The following SFMBT2 variants were observed in gnomAD, a reference collection of about 807,000 sequenced individuals.
The protein encoded by SFMBT2 is scm-like with four MBT domains protein 2.
SFMBT2 carries 38 observed loss-of-function variants against 110.1 expected under a neutral mutation model. The observed-to-expected ratio is 0.35, with a 90% confidence interval of 0.27 to 0.45. The LOEUF is 0.45. SFMBT2 is among the 20% of genes least tolerant of loss of function. The pLI is 1.00. For synonymous variants in SFMBT2, 425 were observed against 425.4 expected (o/e 1.00, Z 0.01); for missense variants, 1,011 against 1,094.9 (o/e 0.92, Z 1.08).
At chr10:7,398,545 C>A (rs1015568147) in intron 1 of SFMBT2, among the ~76,000 whole-genome samples, 11 of 152,200 alleles carry the variant, frequency 7.2e-5, no homozygotes, top group Non-Finnish European at 1.6e-4. Context: ...AAAGGTCATT[C>A]CCATCCTTAG....
In SFMBT2 at chr10:7,246,540, G is replaced by A. The variant is rs189218232; in HGVS notation, c.972+2008C>T. ...TCGAGACCAGCCTGGTCAAGACGGT[G>A]AAACCCCATCTCCACTAAAAACACA... On this transcript the variant is annotated intron_variant, in intron 8 of 20. Transcript: ENST00000397167. 6.9e-3 allele frequency among the ~76,000 whole-genome samples: 1,046 copies of A among 151,990 alleles called. 9 individuals are homozygous for A. Among genetic ancestry groups the A allele is most frequent in the African/African-American group, 0.023 (971 of 41,470 alleles).
At chr10:7,276,405 G>A (rs1841776615) in intron 7 of SFMBT2, among the ~76,000 whole-genome samples, 1 of 152,132 alleles carries the variant, frequency 6.6e-6, no homozygotes, top group Admixed American at 6.5e-5. Context: ...TCAGCATCTT[G>A]TAATATGGGT....
chr10:7,184,719 G>C lies in SFMBT2; in HGVS notation c.1808+3905C>G, dbSNP rs1838344613. On this transcript the variant is annotated intron_variant, in intron 16 of 20. Coordinates refer to ENST00000397167, the MANE Select transcript of SFMBT2 (RefSeq NM_001387889.1). ...TTCACCCTCAGAATCACCCTTATGA[G>C]ACCTTTTAACAAATCTCGTCAGGCA... is the stretch of plus-strand genomic sequence containing the variant. Among the ~76,000 whole-genome samples the C allele has an allele frequency of 2.0e-5, 3 of 152,070 alleles. No homozygotes were observed. In the South Asian group the frequency reaches 6.2e-4, roughly 31 times the overall value.
intron 7 of SFMBT2, among the ~76,000 whole-genome samples, chr10:7,259,382 C>T (rs1321734253): frequency 6.6e-6 from 1 of 152,246 alleles, no homozygotes; most frequent in African/African-American, 2.4e-5. Flanking sequence ...CCCAGCTGCC[C>T]TCGGCTCCCT....
rs186441267 is a variant in SFMBT2 at position 7,189,157 on chromosome 10, T to C, written c.1699-424A>G. 84 of 985,430 alleles carry C rather than the reference T, an allele frequency of 8.5e-5. No individual in the cohort carries two copies. The East Asian group carries it at 3.1e-3, about 36-fold the overall frequency. 61.0% of individuals were successfully genotyped at this position (985,430 alleles called of 1,614,324 possible). Reference sequence around the variant, plus strand: ...TAATGAAACGGAGACAATCTACTCATGCCAACACTTCTGGAGAGGCTTCAC... The same window carrying C: ...TAATGAAACGGAGACAATCTACTCACGCCAACACTTCTGGAGAGGCTTCAC... On this transcript the variant is annotated intron_variant, in intron 15 of 20. Coordinates refer to ENST00000397167, the MANE Select transcript of SFMBT2 (RefSeq NM_001387889.1).
intron 5 of SFMBT2, 133 bp from the exon 6 acceptor site, chr10:7,284,283 A>AC: frequency 6.8e-7 from 1 of 1,466,486 alleles, no homozygotes; most frequent in Non-Finnish European, 9.0e-7. Context: ...CGTTCCCTCC[A>AC]CCCCATCCTT....
At chr10:7,352,973 A>G (rs1472648845) in intron 4 of SFMBT2, among the ~76,000 whole-genome samples, 9 of 152,106 alleles carry the variant, frequency 5.9e-5, no homozygotes, top group East Asian at 3.9e-4. Context: ...TCGTGCCACT[A>G]CACTCCAGCC....
chr10:7,232,294 C>T (rs1840126612), intron 9 of SFMBT2, among the ~76,000 whole-genome samples: 1 of 152,012 alleles, frequency 6.6e-6, no homozygotes, highest in South Asian at 2.1e-4. Flanking sequence ...TTTGGAAAAA[C>T]TATTTGGCAT....
rs1420759496 is a variant in SFMBT2 at position 7,163,604 on chromosome 10, A to G, written c.*166T>C. ...CTGCTGCTGTGCTTTGAAAACATGGAAACAGCTCACAGGCTGGCGGAGGCA... is the reference window on the plus strand; with the variant it reads ...CTGCTGCTGTGCTTTGAAAACATGGGAACAGCTCACAGGCTGGCGGAGGCA... On this transcript the variant is annotated 3_prime_UTR_variant, in exon 21 of 21. Coordinates refer to ENST00000397167, the MANE Select transcript of SFMBT2 (RefSeq NM_001387889.1). The surrounding 1 kb of genome is among the most constrained non-coding windows in gnomAD (Gnocchi z 4.8). 1.6e-6 allele frequency: 1 copy of G among 626,950 alleles called. No homozygotes were observed. Among genetic ancestry groups the G allele is most frequent in the Non-Finnish European group, 2.7e-6 (1 of 365,904 alleles). The allele number at this position is 626,950 out of a possible 1,614,324, so 38.8% of individuals were successfully genotyped here. A position where few individuals can be genotyped will look rare whatever the true frequency, so the allele number is the denominator to read the frequency against.
At chr10:7,338,234 A>C (rs1394707957) in intron 4 of SFMBT2, among the ~76,000 whole-genome samples, 2 of 152,346 alleles carry the variant, frequency 1.3e-5, no homozygotes, top group Non-Finnish European at 2.9e-5. Context: ...TAAGAGAATC[A>C]CTTCTGCCAT....
At chr10:7,199,167 C>T (rs978455645) in intron 14 of SFMBT2, among the ~76,000 whole-genome samples, 3 of 151,996 alleles carry the variant, frequency 2.0e-5, no homozygotes, top group Admixed American at 6.5e-5. Context: ...TTAGTAGAGA[C>T]AAGGTCTCAC....
chr10:7,339,700 A>C (rs1189454573), intron 4 of SFMBT2, among the ~76,000 whole-genome samples: 1 of 152,232 alleles, frequency 6.6e-6, no homozygotes, highest in African/African-American at 2.4e-5. Flanking sequence ...ATTCCATGGC[A>C]TCTGAGCTTC....
chr10:7,172,467 G>A lies in SFMBT2; in HGVS notation c.2151+28C>T. ...CCAGGGCCAGATGACAGAGCTACAGGCTGGCAGGTGCCCCGGGCAGAACAT... is the reference window on the plus strand; with the variant it reads ...CCAGGGCCAGATGACAGAGCTACAGACTGGCAGGTGCCCCGGGCAGAACAT... On this transcript the variant is annotated intron_variant, in intron 18 of 20. Transcript: ENST00000397167. This position sits in a 1 kb window ranked among gnomAD's most constrained non-coding sequence, Gnocchi z 4.6. The A allele has an allele frequency of 6.2e-7, 1 of 1,612,798 alleles. No individual in the cohort carries two copies. Among genetic ancestry groups the A allele is most frequent in the African/African-American group, 1.3e-5 (1 of 75,030 alleles).
chr10:7,375,920 G>T (rs1845194138), intron 2 of SFMBT2, among the ~76,000 whole-genome samples: 1 of 152,100 alleles, frequency 6.6e-6, no homozygotes, highest in Non-Finnish European at 1.5e-5. Flanking sequence ...ATTTTTCTAA[G>T]AAAAATGTTG....
Position 7,382,604 on chromosome 10 carries a change from C to T in SFMBT2, c.-51-655G>A, listed in dbSNP as rs188760172. On this transcript the variant is annotated intron_variant, in intron 1 of 20. Coordinates refer to ENST00000397167, the MANE Select transcript of SFMBT2 (RefSeq NM_001387889.1). ...CATGGCAACATTGGTAAGACACTCC[C>T]CCCGCCTTGAAGCTATGTAGCAGCA... is the stretch of plus-strand genomic sequence containing the variant. Among the ~76,000 whole-genome samples the T allele has an allele frequency of 9.5e-4, 144 of 151,674 alleles. 1 individual carries two copies. The highest frequency in any genetic ancestry group is 3.3e-3 in the African/African-American group (138 of 41,324).
chr10:7,224,303 C>T (rs2131662630), intron 10 of SFMBT2, among the ~76,000 whole-genome samples: 1 of 152,244 alleles, frequency 6.6e-6, no homozygotes, highest in East Asian at 1.9e-4. Context: ...TCCTAGGCTG[C>T]TTGGAGTCTT....
rs540855323 is a variant in SFMBT2 at position 7,320,340 on chromosome 10, A to T, written c.437-34386T>A. Among the ~76,000 whole-genome samples the T allele has an allele frequency of 2.0e-5, 3 of 152,280 alleles. No individual in the cohort carries two copies. The South Asian group carries it at 6.2e-4, about 32-fold the overall frequency. On this transcript the variant is annotated intron_variant, in intron 4 of 20. Transcript: ENST00000397167. ...AATCATGTGGTAAGTGTTCTCTACCATCTTGCCCCGCGGTATAAATGAAAC... is the reference window on the plus strand; with the variant it reads ...AATCATGTGGTAAGTGTTCTCTACCTTCTTGCCCCGCGGTATAAATGAAAC...
At chr10:7,252,099 A>G (rs866047743) in intron 7 of SFMBT2, among the ~76,000 whole-genome samples, 2 of 152,186 alleles carry the variant, frequency 1.3e-5, no homozygotes, top group Non-Finnish European at 2.9e-5. Flanking sequence ...CCCTTTCTAC[A>G]TCGCAGGCCC....
chr10:7,266,903 C>A (rs1415820338), intron 7 of SFMBT2, among the ~76,000 whole-genome samples: 1 of 150,874 alleles, frequency 6.6e-6, no homozygotes, highest in Non-Finnish European at 1.5e-5. Context: ...GTGGTCCTCA[C>A]AGAGGGGGCT....
Sources: allele counts gnomAD v4.1 joint callset (sites outside exome capture counted in the v4.1 genomes callset), GRCh38; gene constraint gnomAD v4.1.1; non-coding constraint Gnocchi (gnomAD v3.1); transcripts MANE v1.5; gene names NCBI Gene and HGNC (gene_info 2026-07-23, HGNC 2026-07-21).